WDPCP: variants seen among roughly 807,000 people sequenced by gnomAD.
WDPCP encodes WD repeat-containing and planar cell polarity effector protein fritz homolog.
WDPCP carries 71 observed loss-of-function variants against 93.1 expected under a neutral mutation model. That is an observed-to-expected ratio of 0.76 (90% CI 0.63 to 0.93). The LOEUF is 0.93. Ranked by LOEUF, WDPCP falls within the 40% of genes least tolerant of loss-of-function variation. The pLI is 0.00. For missense variants in WDPCP, 844 were observed against 887.4 expected, an observed-to-expected ratio of 0.95 and a Z score of 0.62; for synonymous variants, 315 against 315.0, an observed-to-expected ratio of 1.00 and a Z score of 0.00.
At chr2:63,678,708 G>A (rs1410100421) in intron 2 of WDPCP, among the ~76,000 whole-genome samples, 1 of 152,224 alleles carries the variant, frequency 6.6e-6, no homozygotes, top group African/African-American at 2.4e-5. Context: ...GGATGAAAGC[G>A]ATTCTGCTAT....
At chr2:63,498,498 A>C (rs1264136757) in intron 1 of WDPCP, among the ~76,000 whole-genome samples, 1 of 152,214 alleles carries the variant, frequency 6.6e-6, no homozygotes, top group Non-Finnish European at 1.5e-5. Flanking sequence ...GAGTAAATTA[A>C]TATTTATTTG....
chr2:63,645,980 G>A (rs1710043494), intron 3 of WDPCP, among the ~76,000 whole-genome samples: 1 of 152,052 alleles, frequency 6.6e-6, no homozygotes, highest in Non-Finnish European at 1.5e-5. Flanking sequence ...TTTGATTGGA[G>A]AGTTTAGTTC....
intron 6 of WDPCP, among the ~76,000 whole-genome samples, chr2:63,473,712 C>CT (rs942237318): frequency 1.3e-5 from 2 of 151,906 alleles, no homozygotes; most frequent in Non-Finnish European, 1.5e-5. Flanking sequence ...GACTTTACAT[C>CT]TTTTTTTTCC....
At chr2:63,276,764 C>A (rs11893120) in intron 13 of WDPCP, among the ~76,000 whole-genome samples, 26,010 of 152,024 alleles carry the variant, frequency 0.17, 2,346 homozygotes, top group Middle Eastern at 0.23. Context: ...ATTGGTGTAC[C>A]CAAGGAAGAA....
chr2:63,530,242 G>C (rs968792050), intron 1 of WDPCP, among the ~76,000 whole-genome samples: 2 of 152,082 alleles, frequency 1.3e-5, no homozygotes, highest in African/African-American at 4.8e-5. Flanking sequence ...CCTTCTGCTA[G>C]CTTGTGAATG....
chr2:63,540,507 G>C (rs577744912), intron 1 of WDPCP, among the ~76,000 whole-genome samples: 1 of 152,156 alleles, frequency 6.6e-6, no homozygotes, highest in Non-Finnish European at 1.5e-5. Context: ...AATGCACTCA[G>C]TGTTCACCAA....
At chr2:63,602,357 T>G (rs974851394) in intron 3 of WDPCP, among the ~76,000 whole-genome samples, 6 of 147,918 alleles carry the variant, frequency 4.1e-5, no homozygotes, top group Admixed American at 2.7e-4. Flanking sequence ...GTTTTTTTTT[T>G]TTTTTTTTTT....
chr2:63,490,762 T>C (rs949607620), intron 2 of WDPCP, among the ~76,000 whole-genome samples: 2 of 152,160 alleles, frequency 1.3e-5, no homozygotes, highest in East Asian at 1.9e-4. Context: ...GGGAAGGAAT[T>C]TGCTGGGCAT....
chr2:63,344,522 C>T lies in WDPCP; in HGVS notation c.1749-31211G>A, dbSNP rs77068061. 3.4e-3 allele frequency among the ~76,000 whole-genome samples: 518 copies of T among 152,304 alleles called. 23 individuals carry two copies. The East Asian group carries it at 0.08, about 23-fold the overall frequency. On this transcript the variant is annotated intron_variant, in intron 12 of 17. Coordinates refer to ENST00000272321, the MANE Select transcript of WDPCP (RefSeq NM_015910.7). ...CCAGCTCTGGGCATGGTGTTGTACA[C>T]AATTCACTAACATATGCAAGTAGCT...
chr2:63,715,216 G>C (rs1333403588), intron 2 of WDPCP, among the ~76,000 whole-genome samples: 1 of 152,170 alleles, frequency 6.6e-6, no homozygotes, highest in East Asian at 1.9e-4. Flanking sequence ...GATGGTAGTT[G>C]CAAAATATTG....
intron 1 of WDPCP, among the ~76,000 whole-genome samples, chr2:63,576,554 G>A (rs188949928): frequency 6.6e-6 from 1 of 152,332 alleles, no homozygotes; most frequent in East Asian, 1.9e-4. Flanking sequence ...GAAGCTCTCT[G>A]AACCCTGTCC....
chr2:63,775,425 T>G (rs964669819), intron 2 of WDPCP, among the ~76,000 whole-genome samples: 10 of 152,218 alleles, frequency 6.6e-5, no homozygotes, highest in Non-Finnish European at 1.3e-4. Context: ...TCCCTCTTTA[T>G]GAGGTTCTTT....
At chr2:63,390,839 G>T (rs547520366) in intron 10 of WDPCP, among the ~76,000 whole-genome samples, 84 of 152,276 alleles carry the variant, frequency 5.5e-4, no homozygotes, top group African/African-American at 1.9e-3. Context: ...GACTAAAACA[G>T]AAAGAAGTTG....
At position 63,259,317 on chromosome 2, in the gene WDPCP, G is replaced by A. The variant is rs750583024; in HGVS notation, c.1905C>T (p.Thr635=). The part of the protein sequence containing the change: ...RASDIDAESI[T]SGVELLGPLD... Reference sequence around the variant, plus strand: ...AGCGTTAATTCTTACCAACCCCAGAGGTTATTGATTCTGCATCAATGTCAC... The same window carrying A: ...AGCGTTAATTCTTACCAACCCCAGAAGTTATTGATTCTGCATCAATGTCAC... Residue 635 remains threonine, a synonymous_variant, in exon 14 of 18, where the codon ACC becomes ACT. Coordinates refer to ENST00000272321, the MANE Select transcript of WDPCP (RefSeq NM_015910.7). The A allele has an allele frequency of 1.2e-6, 2 of 1,612,398 alleles. No homozygotes were observed. Among genetic ancestry groups the A allele is most frequent in the South Asian group, 2.2e-5 (2 of 91,042 alleles).
chr2:63,492,241 C>G (rs1700926304), intron 2 of WDPCP, among the ~76,000 whole-genome samples: 1 of 151,934 alleles, frequency 6.6e-6, no homozygotes, highest in African/African-American at 2.4e-5. Flanking sequence ...AAAGATATTT[C>G]TTATAAAGTA....
At chr2:63,313,597 T>C (rs988390511) in intron 12 of WDPCP, among the ~76,000 whole-genome samples, 1 of 152,034 alleles carries the variant, frequency 6.6e-6, no homozygotes, top group Admixed American at 6.6e-5. Context: ...ATACGTTGCC[T>C]CTTCTTGTTA....
intron 2 of WDPCP, among the ~76,000 whole-genome samples, chr2:63,738,738 GA>G (rs1317375856): frequency 1.3e-5 from 2 of 151,714 alleles, no homozygotes; most frequent in African/African-American, 4.8e-5. Context: ...ACTTTTTATT[GA>G]AGTATTACCA....
intron 2 of WDPCP, among the ~76,000 whole-genome samples, chr2:63,488,323 T>C (rs929578714): frequency 2.0e-5 from 3 of 152,114 alleles, no homozygotes; most frequent in Non-Finnish European, 4.4e-5. Flanking sequence ...AGTGACTGAC[T>C]GCTCCAGACT....
intron 3 of WDPCP, among the ~76,000 whole-genome samples, chr2:63,649,730 T>C (rs967283885): frequency 5.3e-5 from 8 of 152,168 alleles, no homozygotes; most frequent in African/African-American, 1.9e-4. Flanking sequence ...GCTTTTTTAA[T>C]GGAAAAATTT....
Sources: gnomAD v4.1 joint callset for allele counts (sites outside exome capture counted in the v4.1 genomes callset) on GRCh38, gnomAD v4.1.1 for gene constraint, MANE v1.5 for transcripts, NCBI Gene and HGNC (gene_info 2026-07-23, HGNC 2026-07-21) for gene names.